Variants in RBM47 observed in about 807,000 individuals in gnomAD.
RBM47 encodes the protein RNA-binding protein 47.
Under a neutral mutation model 47.1 loss-of-function variants are expected in RBM47, and 21 were observed. The ratio of observed to expected loss-of-function variants is 0.45; its 90% CI spans 0.32 to 0.64. The LOEUF is 0.64. RBM47 is among the 30% of genes least tolerant of loss of function. RBM47 has a pLI of 0.05. For missense variants in RBM47, 708 were observed against 870.9 expected, an observed-to-expected ratio of 0.81 and a Z score of 2.35; for synonymous variants, 375 against 361.7, an observed-to-expected ratio of 1.04 and a Z score of -0.42.
intron 3 of RBM47, among the ~76,000 whole-genome samples, chr4:40,455,987 T>TG: frequency 6.6e-6 from 1 of 152,196 alleles, no homozygotes; most frequent in South Asian, 2.1e-4. Context: ...ATGGACAAAC[T>TG]GAAAGGGCAT....
At chr4:40,542,441 T>C (rs1185745861) in intron 2 of RBM47, 1 of 152,236 alleles carries the variant, frequency 6.6e-6, no homozygotes. Context: ...AGAATGCCAT[T>C]CAAACTCCAA....
intron 3 of RBM47, among the ~76,000 whole-genome samples, chr4:40,453,866 T>G (rs181232947): frequency 1.3e-4 from 18 of 141,722 alleles, no homozygotes; most frequent in Admixed American, 4.0e-4. Flanking sequence ...AAGAAAGAAA[T>G]AATCTCTCCA....
chr4:40,490,708 G>A (rs1332174990), intron 2 of RBM47, among the ~76,000 whole-genome samples: 3 of 151,452 alleles, frequency 2.0e-5, no homozygotes, highest in Non-Finnish European at 2.9e-5. Context: ...GAGAGATCGC[G>A]CCACTGCACT....
chr4:40,443,354 A>G (rs985146454), intron 3 of RBM47, among the ~76,000 whole-genome samples: 6 of 152,120 alleles, frequency 3.9e-5, no homozygotes, highest in Admixed American at 2.6e-4. Flanking sequence ...AAAAAAGAAA[A>G]GGTTCAGAGA....
At chr4:40,599,453 T>C (rs1243950337) in intron 1 of RBM47, among the ~76,000 whole-genome samples, 2 of 152,082 alleles carry the variant, frequency 1.3e-5, no homozygotes, top group African/African-American at 2.4e-5. Flanking sequence ...ACTCCTCTCA[T>C]TGAGAAGTGG....
At chr4:40,486,095 A>G (rs1721053927) in intron 2 of RBM47, among the ~76,000 whole-genome samples, 1 of 148,564 alleles carries the variant, frequency 6.7e-6, no homozygotes. Context: ...AAAAAAAAAA[A>G]AAGAGCTTAG....
intron 4 of RBM47, chr4:40,436,936 C>T (rs1370343765): frequency 3.7e-4 from 184 of 498,072 alleles, no homozygotes; most frequent in Middle Eastern, 1.6e-3. Flanking sequence ...CACCCCCTCC[C>T]CCCCGCCAAA....
At chr4:40,517,731 A>G (rs1222025155) in intron 2 of RBM47, among the ~76,000 whole-genome samples, 1 of 152,184 alleles carries the variant, frequency 6.6e-6, no homozygotes, top group African/African-American at 2.4e-5. Flanking sequence ...AAATGTAAAA[A>G]TGTGAAAAGG....
intron 1 of RBM47, among the ~76,000 whole-genome samples, chr4:40,609,948 CG>C (rs976752474): frequency 1.3e-5 from 2 of 151,844 alleles, no homozygotes; most frequent in African/African-American, 4.8e-5. Flanking sequence ...CAAAATTAGC[CG>C]GGTGTGGTGC....
intron 1 of RBM47, among the ~76,000 whole-genome samples, chr4:40,574,211 TAA>T (rs1460947096): frequency 1.3e-5 from 2 of 152,236 alleles, no homozygotes; most frequent in Non-Finnish European, 2.9e-5. Flanking sequence ...AAACTCCTCC[TAA>T]AGTTTTACAT....
At chr4:40,569,008 TAGATAGATAGACAGACAGAC>T (rs1731401015) in intron 1 of RBM47, among the ~76,000 whole-genome samples, 1 of 135,202 alleles carries the variant, frequency 7.4e-6, no homozygotes. Flanking sequence ...GATAGATAGA[TAGATAGATAGACAGACAGAC>T]AGACAGACAG....
chr4:40,440,800 A>G (rs1044560303), intron 3 of RBM47, among the ~76,000 whole-genome samples: 3 of 152,222 alleles, frequency 2.0e-5, no homozygotes, highest in African/African-American at 4.8e-5. Flanking sequence ...CATTAAGTTT[A>G]GAGGAGTGAG....
At chr4:40,495,916 T>C (rs754148419) in intron 2 of RBM47, among the ~76,000 whole-genome samples, 1 of 152,204 alleles carries the variant, frequency 6.6e-6, no homozygotes, top group Non-Finnish European at 1.5e-5. Context: ...TCACTGATTA[T>C]AGCTGATTGC....
chr4:40,589,730 C>T (rs992664608), intron 1 of RBM47, among the ~76,000 whole-genome samples: 1 of 152,206 alleles, frequency 6.6e-6, no homozygotes, highest in Admixed American at 6.5e-5. Context: ...TAAGCCACCG[C>T]GCCCAGTCTG....
At chr4:40,578,078 C>G (rs1056217260) in intron 1 of RBM47, among the ~76,000 whole-genome samples, 3 of 152,164 alleles carry the variant, frequency 2.0e-5, no homozygotes, top group Non-Finnish European at 4.4e-5. Context: ...AATGGAGTCA[C>G]CCAGGCTAAA....
intron 6 of RBM47, among the ~76,000 whole-genome samples, chr4:40,431,625 T>G (rs1293019580): frequency 6.8e-6 from 1 of 146,128 alleles, no homozygotes; most frequent in Non-Finnish European, 1.5e-5. Flanking sequence ...GCCACTGCGC[T>G]CCAGCCTGGG....
intron 2 of RBM47, among the ~76,000 whole-genome samples, chr4:40,529,051 A>G (rs1031084707): frequency 2.0e-5 from 3 of 152,140 alleles, no homozygotes; most frequent in African/African-American, 4.8e-5. Context: ...AAGTTTCTGT[A>G]TCTTTGCTGC....
intron 2 of RBM47, among the ~76,000 whole-genome samples, chr4:40,470,696 C>CCTCCA (rs1186205458): frequency 6.6e-6 from 1 of 152,166 alleles, no homozygotes; most frequent in East Asian, 1.9e-4. Context: ...TCACCACAAC[C>CCTCCA]CTCCACCAAG....
At chr4:40,558,683 C>A (rs998099196) in intron 1 of RBM47, among the ~76,000 whole-genome samples, 1 of 151,856 alleles carries the variant, frequency 6.6e-6, no homozygotes, top group African/African-American at 2.4e-5. Context: ...CAAAAATTAG[C>A]CAGGTGTGGT....
Sources: gnomAD v4.1 joint callset for allele counts (sites outside exome capture counted in the v4.1 genomes callset) on GRCh38, gnomAD v4.1.1 for gene constraint, MANE v1.5 for transcripts, NCBI Gene and HGNC (gene_info 2026-07-23, HGNC 2026-07-21) for gene names.